SLC24A2: variants seen among roughly 807,000 people sequenced by gnomAD.
The protein encoded by SLC24A2 is solute carrier family 24 member 2, also known as sodium/potassium/calcium exchanger 2.
In SLC24A2, 36 loss-of-function variants were observed where a neutral mutation model predicts 62.0. The observed-to-expected ratio is 0.58, with a 90% CI of 0.44 to 0.77. The LOEUF is 0.77. Among genes scored for constraint, SLC24A2 ranks in the 30% least tolerant of loss-of-function variants. SLC24A2 has a pLI of 0.00. For synonymous variants in SLC24A2, 358 were observed against 294.0 expected (o/e 1.22, Z -2.23); for missense variants, 846 against 817.9 (o/e 1.03, Z -0.42).
At chr9:19,523,464 C>A (rs1221136588) in intron 9 of SLC24A2, among the ~76,000 whole-genome samples, 1 of 151,740 alleles carries the variant, frequency 6.6e-6, no homozygotes, top group East Asian at 1.9e-4. Context: ...TTTTTTTTAA[C>A]TTAATATGTT....
intron 2 of SLC24A2, among the ~76,000 whole-genome samples, chr9:19,722,849 A>C (rs1821067297): frequency 6.6e-6 from 1 of 152,116 alleles, no homozygotes; most frequent in South Asian, 2.1e-4. Context: ...GAAATGTCAA[A>C]GAGTTTCTAG....
At chr9:20,016,942 C>T in the SLC24A2 span, among the ~76,000 whole-genome samples, 1 of 152,196 alleles carries the variant, frequency 6.6e-6, no homozygotes, top group African/African-American at 2.4e-5. Flanking sequence ...GAAACAAACA[C>T]TATTTTAATT....
At chr9:19,613,315 AAC>A (rs1817673288) in intron 4 of SLC24A2, among the ~76,000 whole-genome samples, 1 of 152,186 alleles carries the variant, frequency 6.6e-6, no homozygotes, top group Non-Finnish European at 1.5e-5. Context: ...ATGCCTGCCA[AAC>A]ACAACCTGCC....
At chr9:20,007,205 A>C in the SLC24A2 span, among the ~76,000 whole-genome samples, 1 of 152,308 alleles carries the variant, frequency 6.6e-6, no homozygotes, top group East Asian at 1.9e-4. Context: ...TTGACTGTTG[A>C]AAATCAGACT....
At chr9:19,984,010 T>C in the SLC24A2 span, among the ~76,000 whole-genome samples, 1 of 152,212 alleles carries the variant, frequency 6.6e-6, no homozygotes, top group East Asian at 1.9e-4. Context: ...CAACTTACAA[T>C]GTGGTTATGT....
chr9:19,979,764 A>G, the SLC24A2 span, among the ~76,000 whole-genome samples: 3 of 152,196 alleles, frequency 2.0e-5, no homozygotes, highest in Non-Finnish European at 2.9e-5. Flanking sequence ...TAAAATTGCC[A>G]TAAGACATAG....
At chr9:20,167,110 C>G in the SLC24A2 span, among the ~76,000 whole-genome samples, 2 of 151,960 alleles carry the variant, frequency 1.3e-5, no homozygotes, top group African/African-American at 4.8e-5. Flanking sequence ...CCACTGCACC[C>G]TGCAATCCTA....
chr9:19,806,866 T>G, the SLC24A2 span, among the ~76,000 whole-genome samples: 109,502 of 152,092 alleles, frequency 0.72, 42,484 homozygotes, highest in Non-Finnish European at 0.88. Flanking sequence ...TTTTCACAAG[T>G]AGGTCCCTCC....
chr9:20,193,395 A>C, the SLC24A2 span, among the ~76,000 whole-genome samples: 2,168 of 152,194 alleles, frequency 0.014, 57 homozygotes, highest in African/African-American at 0.049. Context: ...ATTTCTAAGA[A>C]GAAAAAGAAA....
chr9:19,888,293 T>C, the SLC24A2 span, among the ~76,000 whole-genome samples: 1 of 152,224 alleles, frequency 6.6e-6, no homozygotes, highest in Non-Finnish European at 1.5e-5. Flanking sequence ...GCAAATGACT[T>C]GAACGATCTT....
intron 2 of SLC24A2, among the ~76,000 whole-genome samples, chr9:19,652,297 C>G (rs1818824465): frequency 6.6e-6 from 1 of 152,106 alleles, no homozygotes; most frequent in African/African-American, 2.4e-5. Context: ...TGTCTGTGTC[C>G]TGTCCTAACC....
chr9:20,213,542 A>G, the SLC24A2 span, among the ~76,000 whole-genome samples: 1 of 152,202 alleles, frequency 6.6e-6, no homozygotes, highest in African/African-American at 2.4e-5. Flanking sequence ...AATACTTTTG[A>G]AAGTTATTAC....
the SLC24A2 span, among the ~76,000 whole-genome samples, chr9:19,870,749 A>G: frequency 1.3e-5 from 2 of 152,124 alleles, no homozygotes; most frequent in Non-Finnish European, 2.9e-5. Context: ...TATTTACATC[A>G]TGGATAATAA....
intron 9 of SLC24A2, among the ~76,000 whole-genome samples, chr9:19,527,657 A>T (rs1322222714): frequency 6.6e-6 from 1 of 152,206 alleles, no homozygotes; most frequent in Non-Finnish European, 1.5e-5. Context: ...TTGTCTCCAG[A>T]TGCTTTCCTA....
the SLC24A2 span, among the ~76,000 whole-genome samples, chr9:20,002,031 T>G: frequency 6.6e-6 from 1 of 152,192 alleles, no homozygotes; most frequent in African/African-American, 2.4e-5. Flanking sequence ...TTTCAAAAGT[T>G]TGAGGCAGTC....
chr9:19,556,040 C>T (rs192089772), intron 7 of SLC24A2, among the ~76,000 whole-genome samples: 153 of 152,286 alleles, frequency 1.0e-3, no homozygotes, highest in Admixed American at 1.9e-3. Context: ...CAATACCGAA[C>T]ATTGAAATCT....
the SLC24A2 span, among the ~76,000 whole-genome samples, chr9:19,917,735 G>A: frequency 0.044 from 6,694 of 152,040 alleles, 252 homozygotes; most frequent in East Asian, 0.21. Flanking sequence ...TCTATATCTT[G>A]ATAGTTTTTC....
At chr9:20,147,987 G>C in the SLC24A2 span, among the ~76,000 whole-genome samples, 1 of 152,034 alleles carries the variant, frequency 6.6e-6, no homozygotes, top group Admixed American at 6.6e-5. Context: ...TATTGTCATT[G>C]ACATATTATC....
At chr9:19,949,924 TG>T in the SLC24A2 span, among the ~76,000 whole-genome samples, 2 of 152,200 alleles carry the variant, frequency 1.3e-5, no homozygotes, top group African/African-American at 2.4e-5. Flanking sequence ...TAATCGAGTG[TG>T]GTGTTTAGAC....
Sources: gnomAD v4.1 joint callset for allele counts (sites outside exome capture counted in the v4.1 genomes callset) on GRCh38, gnomAD v4.1.1 for gene constraint, MANE v1.5 for transcripts, NCBI Gene and HGNC (gene_info 2026-07-23, HGNC 2026-07-21) for gene names.